DTNA: variants seen among roughly 807,000 people sequenced by gnomAD.
DTNA encodes the protein dystrobrevin alpha.
Under a neutral mutation model 100.7 loss-of-function variants are expected in DTNA, and 43 were observed. The observed-to-expected ratio is 0.43, with a 90% confidence interval of 0.33 to 0.55. The LOEUF is 0.55. Among genes scored for constraint, DTNA ranks in the 20% least tolerant of loss-of-function variants. The pLI is 0.04. For synonymous variants in DTNA, 349 were observed against 347.9 expected (o/e 1.00, Z -0.04); for missense variants, 798 against 953.9 (o/e 0.84, Z 2.15).
At chr18:34,692,542 T>G (rs2079921309) in intron 1 of DTNA, among the ~76,000 whole-genome samples, 1 of 152,226 alleles carries the variant, frequency 6.6e-6, no homozygotes, top group South Asian at 2.1e-4. Context: ...AATATGTTTG[T>G]TAGATAGTGT....
At chr18:34,852,431 C>T (rs2096492954) in intron 15 of DTNA, among the ~76,000 whole-genome samples, 1 of 152,188 alleles carries the variant, frequency 6.6e-6, no homozygotes, top group Admixed American at 6.5e-5. Flanking sequence ...CTCTATTCAA[C>T]ACAGATTGAC....
chr18:34,604,918 A>G (rs2052696438), intron 1 of DTNA, among the ~76,000 whole-genome samples: 1 of 152,118 alleles, frequency 6.6e-6, no homozygotes, highest in African/African-American at 2.4e-5. Flanking sequence ...CTCAGAGAGT[A>G]TGCTTTCTGA....
intron 1 of DTNA, among the ~76,000 whole-genome samples, chr18:34,554,688 C>T (rs1173884192): frequency 0.012 from 1,735 of 144,798 alleles, 35 homozygotes; most frequent in African/African-American, 0.044. Flanking sequence ...TATTGATTTG[C>T]GTATATTGAA....
intron 1 of DTNA, among the ~76,000 whole-genome samples, chr18:34,679,967 G>A (rs2077868480): frequency 1.3e-5 from 2 of 152,088 alleles, no homozygotes; most frequent in African/African-American, 4.8e-5. Context: ...TTTAATATCA[G>A]TGTAATAAAC....
Position 34,815,994 on chromosome 18 carries a change from G to A in DTNA, c.689G>A (p.Arg230Gln), listed in dbSNP as rs2095588169. The A allele has an allele frequency of 6.2e-7, 1 of 1,613,680 alleles. No individual in the cohort carries two copies. Among genetic ancestry groups the A allele is most frequent in the Non-Finnish European group, 8.5e-7 (1 of 1,179,706 alleles). The change falls in exon 7 of 23, where the codon CGA (arginine) becomes CAA (glutamine). Residue 230 changes from arginine to glutamine, a missense_variant. By Grantham distance (43) the Arg-to-Gln change is conservative (BLOSUM62 1). Coordinates refer to ENST00000444659, the MANE Select transcript of DTNA (RefSeq NM_001386795.1). ...CTGGTCTGGTTGCCTCTTCTGCATC[G>A]ACTAGCAAATGTGGAAAATGGTGAG... ...QCLVWLPLLH[R>Q]LANVENVFHP...
chr18:34,611,337 T>C (rs2054169329), intron 1 of DTNA, among the ~76,000 whole-genome samples: 1 of 152,164 alleles, frequency 6.6e-6, no homozygotes, highest in African/African-American at 2.4e-5. Flanking sequence ...TTAGACAGGT[T>C]CATTCACCTG....
chr18:34,857,418 G>A (rs1386622000), intron 15 of DTNA, among the ~76,000 whole-genome samples: 8 of 152,182 alleles, frequency 5.3e-5, no homozygotes, highest in Admixed American at 3.9e-4. Flanking sequence ...GTAGGAAACT[G>A]ACACCCCCAG....
chr18:34,532,828 A>G (rs747121997), intron 1 of DTNA, among the ~76,000 whole-genome samples: 18 of 151,952 alleles, frequency 1.2e-4, no homozygotes, highest in Non-Finnish European at 1.8e-4. Flanking sequence ...CCATGTGGTC[A>G]GGGTTGTGTT....
chr18:34,740,819 A>C (rs1046160905), intron 1 of DTNA, among the ~76,000 whole-genome samples: 2 of 151,844 alleles, frequency 1.3e-5, no homozygotes, highest in African/African-American at 2.4e-5. Context: ...AAAAAAAAGA[A>C]AAGAAAGTGT....
At chr18:34,821,238 G>T (rs2095708752) in intron 9 of DTNA, 19 of 480,274 alleles carry the variant, frequency 4.0e-5, no homozygotes, top group Non-Finnish European at 1.6e-5. Flanking sequence ...GGTAAAAAAT[G>T]ATTTACAGTA....
chr18:34,877,558 T>C (rs1311018848), intron 18 of DTNA, among the ~76,000 whole-genome samples, 161 bp from the exon 19 acceptor site: 1 of 152,232 alleles, frequency 6.6e-6, no homozygotes, highest in African/African-American at 2.4e-5. Flanking sequence ...TTGTTGTTGT[T>C]GTTGTTCTTG....
At chr18:34,595,008 T>C (rs978652149) in intron 1 of DTNA, among the ~76,000 whole-genome samples, 4 of 152,274 alleles carry the variant, frequency 2.6e-5, no homozygotes, top group African/African-American at 9.6e-5. Flanking sequence ...GACAATTTGT[T>C]AAATGATAGT....
intron 1 of DTNA, among the ~76,000 whole-genome samples, chr18:34,509,081 G>A (rs773468537): frequency 2.0e-5 from 3 of 151,926 alleles, no homozygotes; most frequent in East Asian, 3.9e-4. Context: ...TTGCTTGGGC[G>A]TTTAAATGGT....
At chr18:34,628,855 T>A (rs2148046779) in intron 1 of DTNA, among the ~76,000 whole-genome samples, 1 of 152,306 alleles carries the variant, frequency 6.6e-6, no homozygotes, top group South Asian at 2.1e-4. Context: ...ATAGTTTAAA[T>A]CATTTAAAAT....
intron 1 of DTNA, among the ~76,000 whole-genome samples, chr18:34,541,348 G>A (rs894393048): frequency 9.2e-5 from 14 of 152,050 alleles, no homozygotes; most frequent in African/African-American, 3.4e-4. Flanking sequence ...TGATTTGGCT[G>A]TGTCCTCACC....
Position 34,889,196 on chromosome 18 carries a change from CT to C in DTNA, c.*1463del, listed in dbSNP as rs2096948940. 1.0e-6 allele frequency: 1 copy of C among 985,408 alleles called. No individual in the cohort carries two copies. The highest frequency in any genetic ancestry group is 1.2e-6 in the Non-Finnish European group (1 of 829,928). The allele number at this position is 985,408 out of a possible 1,614,324, so 61.0% of individuals were successfully genotyped here. On this transcript the variant is annotated 3_prime_UTR_variant, in exon 23 of 23. Transcript: ENST00000444659. ...TAAATTAGCAGTTTCTCTGGAATTC[CT>C]GTCTCTCCTTTAAAAGAAAGGAGAG...
chr18:34,834,700 C>T (rs1219097448), intron 11 of DTNA, among the ~76,000 whole-genome samples: 1 of 152,082 alleles, frequency 6.6e-6, no homozygotes, highest in African/African-American at 2.4e-5. Context: ...CTTTTAACAA[C>T]CAGCCCTCAA....
intron 17 of DTNA, among the ~76,000 whole-genome samples, chr18:34,864,587 T>C (rs1386090590): frequency 6.6e-6 from 1 of 152,232 alleles, no homozygotes; most frequent in Non-Finnish European, 1.5e-5. Context: ...GAAACCAGAC[T>C]GCTGAGGGCC....
chr18:34,682,479 T>C (rs2078269121), intron 1 of DTNA, among the ~76,000 whole-genome samples: 1 of 152,208 alleles, frequency 6.6e-6, no homozygotes, highest in South Asian at 2.1e-4. Context: ...TGTATCATTT[T>C]GCATTTCCAC....
Sources: gnomAD v4.1 joint callset for allele counts (sites outside exome capture counted in the v4.1 genomes callset) on GRCh38, gnomAD v4.1.1 for gene constraint, MANE v1.5 for transcripts, NCBI Gene and HGNC (gene_info 2026-07-23, HGNC 2026-07-21) for gene names.